Variants in CNTNAP4 observed in about 807,000 individuals in gnomAD.
The protein encoded by CNTNAP4 is contactin-associated protein-like 4.
CNTNAP4 carries 98 observed loss-of-function variants against 148.4 expected under a neutral mutation model. The ratio of observed to expected loss-of-function variants is 0.66; its 90% CI spans 0.56 to 0.78. The LOEUF (loss-of-function observed/expected upper bound fraction) is 0.78, where lower values mean the gene tolerates loss of function less well. Among genes scored for constraint, CNTNAP4 ranks in the 30% least tolerant of loss-of-function variants. The pLI, the probability that CNTNAP4 is intolerant of heterozygous loss-of-function variation, is 0.00. For missense variants in CNTNAP4, 1,935 were observed against 1,565.6 expected (o/e 1.24, Z -3.98); for synonymous variants, 730 against 565.1 (o/e 1.29, Z -4.14).
At chr16:76,528,875 A>G (rs2144181078) in intron 17 of CNTNAP4, among the ~76,000 whole-genome samples, 1 of 152,358 alleles carries the variant, frequency 6.6e-6, no homozygotes, top group Admixed American at 6.5e-5. Context: ...ATTAGCCTAC[A>G]TCACCCGAGC....
chr16:76,531,098 A>G (rs1053905837), intron 17 of CNTNAP4, among the ~76,000 whole-genome samples: 1 of 152,214 alleles, frequency 6.6e-6, no homozygotes, highest in African/African-American at 2.4e-5. Flanking sequence ...TGAATTTTAA[A>G]GAGAAGGTTG....
intron 10 of CNTNAP4, among the ~76,000 whole-genome samples, chr16:76,473,440 G>A (rs1159956141): frequency 6.6e-6 from 1 of 151,928 alleles, no homozygotes; most frequent in Non-Finnish European, 1.5e-5. Flanking sequence ...ATTGTTTTTA[G>A]TTAAAATTGG....
chr16:76,280,913 G>C (rs370330524), intron 1 of CNTNAP4, among the ~76,000 whole-genome samples: 52 of 152,250 alleles, frequency 3.4e-4, no homozygotes, highest in African/African-American at 7.0e-4. Flanking sequence ...GCTGATAAGA[G>C]TTTGCTTTTA....
chr16:76,317,277 CCAA>C (rs530079522), intron 2 of CNTNAP4, among the ~76,000 whole-genome samples: 10 of 85,052 alleles, frequency 1.2e-4, no homozygotes, highest in African/African-American at 5.1e-4. Context: ...AAAAAAAAAA[CCAA>C]AAAAAAAAAA....
chr16:76,536,637 A>C (rs148184417), intron 18 of CNTNAP4, among the ~76,000 whole-genome samples: 1 of 152,226 alleles, frequency 6.6e-6, no homozygotes, highest in African/African-American at 2.4e-5. Flanking sequence ...ACAAAAATAG[A>C]CACATTTATA....
At chr16:76,383,326 T>C (rs2016179026) in intron 3 of CNTNAP4, among the ~76,000 whole-genome samples, 1 of 148,948 alleles carries the variant, frequency 6.7e-6, no homozygotes, top group African/African-American at 2.5e-5. Flanking sequence ...TACCTGGAAG[T>C]AGACAATGTG....
At chr16:76,486,689 A>G (rs1597703670) in intron 12 of CNTNAP4, among the ~76,000 whole-genome samples, 2 of 152,362 alleles carry the variant, frequency 1.3e-5, no homozygotes, top group Non-Finnish European at 1.5e-5. Context: ...TCTAAGAGTA[A>G]TAAAAACCTA....
intron 3 of CNTNAP4, among the ~76,000 whole-genome samples, chr16:76,425,972 A>T (rs1005560487): frequency 6.6e-6 from 1 of 152,212 alleles, no homozygotes; most frequent in African/African-American, 2.4e-5. Context: ...AATAAAGACC[A>T]GGAAGAGGCT....
At chr16:76,277,814 T>C in intron 1 of CNTNAP4, 67 bp downstream of exon 1, 1 of 971,012 alleles carries the variant, frequency 1.0e-6, no homozygotes, top group Non-Finnish European at 1.6e-6. Context: ...TTCTGTTGGT[T>C]TGATGATGAT....
At chr16:76,411,790 T>G (rs1310177625) in intron 3 of CNTNAP4, among the ~76,000 whole-genome samples, 1 of 151,508 alleles carries the variant, frequency 6.6e-6, no homozygotes, top group African/African-American at 2.4e-5. Context: ...GTTAGCATGC[T>G]TATTTTCATG....
At chr16:76,405,913 T>C (rs2078585305) in intron 3 of CNTNAP4, among the ~76,000 whole-genome samples, 1 of 152,116 alleles carries the variant, frequency 6.6e-6, no homozygotes, top group South Asian at 2.1e-4. Flanking sequence ...GTTTTTGTGC[T>C]GCATTAGAAG....
chr16:76,316,194 A>G (rs183988272), intron 1 of CNTNAP4: 3 of 585,378 alleles, frequency 5.1e-6, no homozygotes, highest in East Asian at 5.5e-5. Context: ...TAATTTTATG[A>G]TTTTTAAAGT....
intron 2 of CNTNAP4, among the ~76,000 whole-genome samples, chr16:76,317,527 T>C (rs952370303): frequency 6.6e-5 from 10 of 152,360 alleles, no homozygotes; most frequent in African/African-American, 2.2e-4. Context: ...GCAATACTAA[T>C]ACATAAAACG....
intron 3 of CNTNAP4, among the ~76,000 whole-genome samples, chr16:76,406,938 A>T (rs4888497): frequency 6.6e-6 from 1 of 151,944 alleles, no homozygotes; most frequent in Admixed American, 6.6e-5. Flanking sequence ...ATCATAGGTA[A>T]AGGTGGCTAC....
At chr16:76,307,552 A>G (rs1344797950) in intron 1 of CNTNAP4, among the ~76,000 whole-genome samples, 2 of 138,294 alleles carry the variant, frequency 1.4e-5, no homozygotes, top group Non-Finnish European at 3.1e-5. Context: ...CAAACTCCAG[A>G]AATGCTTACC....
At chr16:76,528,746 T>C (rs2083848202) in intron 17 of CNTNAP4, among the ~76,000 whole-genome samples, 1 of 151,962 alleles carries the variant, frequency 6.6e-6, no homozygotes, top group Non-Finnish European at 1.5e-5. Flanking sequence ...CTGAGAAAAA[T>C]CAGTAAAAAT....
At chr16:76,295,680 T>C (rs943648945) in intron 1 of CNTNAP4, among the ~76,000 whole-genome samples, 1 of 152,146 alleles carries the variant, frequency 6.6e-6, no homozygotes, top group Non-Finnish European at 1.5e-5. Context: ...TGTCGGAAAG[T>C]AGTGACATGT....
chr16:76,524,282 A>G (rs770169650), intron 17 of CNTNAP4, among the ~76,000 whole-genome samples: 2 of 152,204 alleles, frequency 1.3e-5, no homozygotes, highest in Admixed American at 1.3e-4. Flanking sequence ...GAGAAGAAAT[A>G]TATAACTTTT....
At chr16:76,411,618 A>AAAAAG (rs749971100) in intron 3 of CNTNAP4, among the ~76,000 whole-genome samples, 48 of 150,948 alleles carry the variant, frequency 3.2e-4, no homozygotes, top group Non-Finnish European at 6.4e-4. Flanking sequence ...AGTGTTCTTA[A>AAAAAG]TGATCTATAA....
Sources: allele counts gnomAD v4.1 joint callset (sites outside exome capture counted in the v4.1 genomes callset), GRCh38; gene constraint gnomAD v4.1.1; transcripts MANE v1.5; gene names NCBI Gene and HGNC (gene_info 2026-07-23, HGNC 2026-07-21).